The following PPP1R12A variants were observed in gnomAD, a reference collection of about 807,000 sequenced individuals.
The protein encoded by PPP1R12A is protein phosphatase 1 regulatory subunit 12A, also known as myosin binding subunit.
A neutral mutation model predicts 139.6 loss-of-function variants in PPP1R12A; 19 were observed. The ratio of observed to expected loss-of-function variants is 0.14; its 90% CI spans 0.09 to 0.20. The LOEUF is 0.20. Among genes scored for constraint, PPP1R12A ranks in the 10% least tolerant of loss-of-function variants. The pLI is 1.00. For missense variants in PPP1R12A, 925 were observed against 1,211.5 expected, an observed-to-expected ratio of 0.76 and a Z score of 3.51; for synonymous variants, 427 against 420.6, an observed-to-expected ratio of 1.02 and a Z score of -0.19.
intron 2 of PPP1R12A, among the ~76,000 whole-genome samples, chr12:79,858,191 T>C (rs1880904299): frequency 6.6e-6 from 1 of 152,170 alleles, no homozygotes; most frequent in Non-Finnish European, 1.5e-5. Context: ...ATATGACAAA[T>C]TACTACTTCA....
chr12:79,849,284 G>A (rs1015788762), intron 2 of PPP1R12A, among the ~76,000 whole-genome samples: 3 of 152,064 alleles, frequency 2.0e-5, no homozygotes, highest in Non-Finnish European at 2.9e-5. Context: ...GCTACTTGGA[G>A]GCTAAGACAG....
At chr12:79,794,993 T>A (rs1872345643) in intron 18 of PPP1R12A, among the ~76,000 whole-genome samples, 1 of 152,078 alleles carries the variant, frequency 6.6e-6, no homozygotes, top group East Asian at 1.9e-4. Context: ...ATGGGGGCAA[T>A]CTACACTGCT....
intron 1 of PPP1R12A, among the ~76,000 whole-genome samples, chr12:79,907,877 G>A (rs1213696233): frequency 6.6e-6 from 1 of 152,166 alleles, no homozygotes; most frequent in Non-Finnish European, 1.5e-5. Flanking sequence ...CAGGTTGGGA[G>A]ACAAAGCAAG....
chr12:79,923,131 G>A (rs901974637), intron 1 of PPP1R12A, among the ~76,000 whole-genome samples: 4 of 152,138 alleles, frequency 2.6e-5, no homozygotes, highest in Middle Eastern at 3.4e-3. Context: ...AAAATTAGCC[G>A]GGCATGATGG....
intron 2 of PPP1R12A, among the ~76,000 whole-genome samples, chr12:79,866,554 A>T (rs553682636): frequency 6.6e-6 from 1 of 152,330 alleles, no homozygotes; most frequent in South Asian, 2.1e-4. Flanking sequence ...AATCGGAGAA[A>T]ATTTTTGCAA....
At chr12:79,868,884 T>C (rs1459931878) in intron 2 of PPP1R12A, among the ~76,000 whole-genome samples, 6 of 152,206 alleles carry the variant, frequency 3.9e-5, no homozygotes. Flanking sequence ...CCTGACCTGA[T>C]ATATATAGTA....
At chr12:79,930,520 C>G (rs1565822671) in intron 1 of PPP1R12A, among the ~76,000 whole-genome samples, 1 of 152,094 alleles carries the variant, frequency 6.6e-6, no homozygotes, top group African/African-American at 2.4e-5. Context: ...CGCCTGTAAT[C>G]CCAGCACTTT....
intron 1 of PPP1R12A, among the ~76,000 whole-genome samples, chr12:79,910,113 A>G (rs1886446676): frequency 6.6e-6 from 1 of 152,194 alleles, no homozygotes. Context: ...GGATGAGAAA[A>G]GAGCCAATCT....
Position 79,775,736 on chromosome 12 carries a change from A to C in PPP1R12A, c.*193T>G. On this transcript the variant is annotated 3_prime_UTR_variant, in exon 25 of 25. Transcript: ENST00000450142. ...CTTGATTAAAAAAAAAAAACAAAAA[A>C]CAAACCAACAACAACAAAAACACCC... The C allele has an allele frequency of 2.5e-6, 1 of 403,448 alleles. No homozygotes were observed. The highest frequency in any genetic ancestry group is 4.4e-6 in the Non-Finnish European group (1 of 227,580). The allele number at this position is 403,448 out of a possible 1,614,324, so 25.0% of individuals were successfully genotyped here.
chr12:79,802,234 C>T (rs1390601946), intron 14 of PPP1R12A, among the ~76,000 whole-genome samples: 3 of 152,108 alleles, frequency 2.0e-5, no homozygotes, highest in African/African-American at 7.2e-5. Context: ...TGGCTTAACT[C>T]AGTACTTCCC....
intron 3 of PPP1R12A, among the ~76,000 whole-genome samples, chr12:79,841,485 C>T (rs537344697): frequency 6.6e-6 from 1 of 152,142 alleles, no homozygotes; most frequent in Admixed American, 6.5e-5. Flanking sequence ...TTGTTAACAC[C>T]CAGCACATAG....
upstream of PPP1R12A, chr12:79,935,279 G>A: frequency 9.3e-7 from 1 of 1,077,678 alleles, no homozygotes; most frequent in Non-Finnish European, 1.1e-6. Context: ...GAGCGCTCCC[G>A]CGAACTGCGG....
intron 1 of PPP1R12A, among the ~76,000 whole-genome samples, chr12:79,890,905 C>CCACACACACACACACACACA (rs1303227049): frequency 8.6e-6 from 1 of 115,680 alleles, no homozygotes; most frequent in Non-Finnish European, 1.7e-5. Flanking sequence ...CCACACCCAC[C>CCACACACACACACACACACA]CACACACACA....
chr12:79,789,952 A>T lies in PPP1R12A; in HGVS notation c.2666+515T>A, dbSNP rs193226325. Among the ~76,000 whole-genome samples the T allele has an allele frequency of 2.7e-3, 409 of 151,236 alleles. 2 individuals are homozygous for T. The highest frequency in any genetic ancestry group is 9.6e-3 in the African/African-American group (395 of 41,062). On this transcript the variant is annotated intron_variant, in intron 20 of 24. Transcript: ENST00000450142. ...ATACAGTTATGCCTGGATAATTAAG[A>T]AATTTTTTTTTTTTTTGGTAGAGAT... is the stretch of plus-strand genomic sequence containing the variant.
At chr12:79,928,938 A>C (rs889378866) in intron 1 of PPP1R12A, among the ~76,000 whole-genome samples, 11 of 152,378 alleles carry the variant, frequency 7.2e-5, no homozygotes, top group African/African-American at 2.2e-4. Flanking sequence ...GGAAAGTAAA[A>C]GAAAAACTAT....
chr12:79,786,032 A>T (rs1871088693), intron 22 of PPP1R12A, among the ~76,000 whole-genome samples: 1 of 152,234 alleles, frequency 6.6e-6, no homozygotes, highest in Admixed American at 6.5e-5. Context: ...ATTTGTAGTA[A>T]ACAAAAACTA....
intron 10 of PPP1R12A, 58 bp downstream of exon 10, chr12:79,809,737 G>C (rs551494121): frequency 7.3e-7 from 1 of 1,369,478 alleles, no homozygotes; most frequent in African/African-American, 1.4e-5. Context: ...CAGATTTGAT[G>C]TTCCTGGAAA....
At chr12:79,799,300 C>T (rs1872822641) in intron 14 of PPP1R12A, among the ~76,000 whole-genome samples, 2 of 152,156 alleles carry the variant, frequency 1.3e-5, no homozygotes, top group Non-Finnish European at 1.5e-5. Flanking sequence ...CTGCACATAC[C>T]ACCACGCCCG....
chr12:79,817,522 T>C lies in PPP1R12A; in HGVS notation c.1115-4A>G, dbSNP rs758303449. On this transcript the variant is annotated splice_region_variant and splice_polypyrimidine_tract_variant and intron_variant, in intron 8 of 24. Coordinates refer to ENST00000450142, the MANE Select transcript of PPP1R12A (RefSeq NM_002480.3). ...GAAGCCAGGGGTTTTGTCTTATCTATTAAAGACAAACAATTAAGAGTCAAG... is the reference window on the plus strand; with the variant it reads ...GAAGCCAGGGGTTTTGTCTTATCTACTAAAGACAAACAATTAAGAGTCAAG... 1.3e-6 allele frequency: 2 copies of C among 1,574,990 alleles called. No homozygotes were observed. Among genetic ancestry groups the C allele is most frequent in the South Asian group, 1.2e-5 (1 of 86,292 alleles).
Sources: allele counts gnomAD v4.1 joint callset (sites outside exome capture counted in the v4.1 genomes callset), GRCh38; gene constraint gnomAD v4.1.1; transcripts MANE v1.5; gene names NCBI Gene and HGNC (gene_info 2026-07-23, HGNC 2026-07-21).